The following MAN2A2 variants were observed in gnomAD, a reference collection of about 807,000 sequenced individuals.
The protein encoded by MAN2A2 is mannosidase alpha class 2A member 2, also known as alpha-mannosidase 2x.
Under a neutral mutation model 126.8 loss-of-function variants are expected in MAN2A2, and 79 were observed. The ratio of observed to expected loss-of-function variants is 0.62; its 90% confidence interval spans 0.52 to 0.75. The LOEUF (loss-of-function observed/expected upper bound fraction) is 0.75, where lower values mean the gene tolerates loss of function less well. Ranked by LOEUF, MAN2A2 falls within the 30% of genes least tolerant of loss-of-function variation. The probability of loss-of-function intolerance (pLI) is 0.00; values close to 1 mark genes in which losing one functional copy is unlikely to be tolerated. For synonymous variants in MAN2A2, 671 were observed against 618.7 expected, an observed-to-expected ratio of 1.08 and a Z score of -1.25; for missense variants, 1,392 against 1,522.4, an observed-to-expected ratio of 0.91 and a Z score of 1.43.
At position 90,913,767 on chromosome 15, in the gene MAN2A2, C is replaced by G; in HGVS notation, c.2860+12C>G. 2 of 1,582,122 alleles carry G rather than the reference C, an allele frequency of 1.3e-6. No homozygotes were observed. The highest frequency in any genetic ancestry group is 1.7e-6 in the Non-Finnish European group (2 of 1,162,956). ...TAGCCTCAAAGATGGTGAGTAGGGC[C>G]CAGGAGTTCTGCAGAGGGTATCAGA... On this transcript the variant is annotated intron_variant, in intron 19 of 22. Transcript: ENST00000559717.
intron 20 of MAN2A2, chr15:90,917,536 G>C (rs1011364982): frequency 1.3e-5 from 2 of 152,690 alleles, no homozygotes; most frequent in Admixed American, 6.5e-5. Context: ...CCAGAGGCTG[G>C]AGAAGTTGCC....
At position 90,912,055 on chromosome 15, in the gene MAN2A2, G is replaced by T. The variant is rs778931717; in HGVS notation, c.2122G>T (p.Val708Phe). The change falls in exon 15 of 23, where the codon GTC becomes TTC. Residue 708 changes from valine (V) to phenylalanine (F), a missense_variant. By Grantham distance (50) the Val-to-Phe change is conservative. Coordinates refer to ENST00000559717, the MANE Select transcript of MAN2A2 (RefSeq NM_006122.4). ...CCTGTGCCCACAGGTGTCTGTGCCT[G>T]TCCGCCTGCCAGCCCTGGGCCTGGG... The part of the protein sequence containing the change: ...VPDVYQVSVP[V>F]RLPALGLGVL... The T allele has an allele frequency of 1.9e-6, 3 of 1,612,020 alleles. No individual in the cohort carries two copies. The Admixed American group carries it at 5.0e-5, about 27-fold the overall frequency.
At chr15:90,916,345 G>A (rs2035180803) in intron 20 of MAN2A2, 89 bp downstream of exon 20, 1 of 1,508,840 alleles carries the variant, frequency 6.6e-7, no homozygotes, top group African/African-American at 1.4e-5. Flanking sequence ...GAGGAGCGTA[G>A]TTGGAGGTGG....
intron 12 of MAN2A2, 57 bp downstream of exon 12, chr15:90,911,018 A>G (rs1304127561): frequency 2.0e-6 from 3 of 1,515,906 alleles, no homozygotes; most frequent in Non-Finnish European, 2.7e-6. Context: ...TCCCATCCCA[A>G]GAGCTGCTGG....
intron 16 of MAN2A2, 78 bp downstream of exon 16, chr15:90,912,742 C>T: frequency 6.3e-7 from 1 of 1,595,392 alleles, no homozygotes; most frequent in Non-Finnish European, 8.6e-7. Flanking sequence ...TTATTGCTGC[C>T]TGCCAGGGGC....
intron 11 of MAN2A2, 79 bp downstream of exon 11, chr15:90,910,762 G>T (rs2034663542): frequency 6.2e-7 from 1 of 1,600,068 alleles, no homozygotes; most frequent in Non-Finnish European, 8.5e-7. Flanking sequence ...CAGGGGGTAG[G>T]CCGGCCTAGG....
chr15:90,917,916 T>G, intron 20 of MAN2A2: 1 of 390,050 alleles, frequency 2.6e-6, no homozygotes, highest in Non-Finnish European at 4.8e-6. Flanking sequence ...ACATGGCTGA[T>G]GGGAGTGGGT....
chr15:90,916,169 C>A lies in MAN2A2; in HGVS notation c.2907C>A (p.Asn969Lys). Residue 969 changes from asparagine (N) to lysine (K), a missense_variant, in exon 20 of 23, where the codon AAC becomes AAA. Physicochemically the swap from Asn to Lys is moderately conservative, Grantham distance 94 (BLOSUM62 0). Transcript: ENST00000559717. ...ACCGGCGGCTGATGCAGGATGACAACCGGGGCCTAGGCCAAGGGCTCAAGG... is the reference window on the plus strand; with the variant it reads ...ACCGGCGGCTGATGCAGGATGACAAACGGGGCCTAGGCCAAGGGCTCAAGG... ...ILDRRLMQDD[N>K]RGLGQGLKDN... 6.2e-7 allele frequency: 1 copy of A among 1,614,136 alleles called. No homozygotes were observed. Among genetic ancestry groups the A allele is most frequent in the Non-Finnish European group, 8.5e-7 (1 of 1,180,042 alleles).
rs189268169 is a variant in MAN2A2, at chr15:90,913,629, T to C, written c.2734T>C (p.Tyr912His). Residue 912 changes from tyrosine (Y) to histidine (H), a missense_variant, in exon 19 of 23, where the codon TAT becomes CAT. Tyr to His is a moderately conservative substitution (Grantham distance 83). Coordinates refer to ENST00000559717, the MANE Select transcript of MAN2A2 (RefSeq NM_006122.4). ...LNGFQVQPRRYLKKLPLQANF... is the reference protein window; with the variant it reads ...LNGFQVQPRRHLKKLPLQANF... ...GCCCCCACAGGTGCAGCCCCGACGG[T>C]ATCTGAAGAAGCTCCCCCTCCAGGC... 1.6e-5 allele frequency: 26 copies of C among 1,612,626 alleles called. No individual in the cohort carries two copies. In the East Asian group the frequency reaches 5.3e-4, roughly 33 times the overall value.
chr15:90,913,269 CCAGGGG>C lies in MAN2A2; in HGVS notation c.2585-3_2587del. 1 of 1,613,720 alleles carries C rather than the reference CCAGGGG, an allele frequency of 6.2e-7. No homozygotes were observed. Among genetic ancestry groups the C allele is most frequent in the Non-Finnish European group, 8.5e-7 (1 of 1,179,830 alleles). On this transcript the variant is annotated splice_acceptor_variant and splice_polypyrimidine_tract_variant and coding_sequence_variant and intron_variant, in exon 18 of 23. Transcript: ENST00000559717. LOFTEE classifies it high-confidence loss of function. ...CCATGCCCCCACTTTGTTCCTGTAC[CCAGGGG>C]TGGAGGGGCTGTCTCTGGACATATC...
intron 13 of MAN2A2, 60 bp from the exon 14 acceptor site, chr15:90,911,325 A>G (rs1265222467): frequency 1.2e-6 from 2 of 1,613,026 alleles, no homozygotes; most frequent in Non-Finnish European, 1.7e-6. Flanking sequence ...GAACCAGTGC[A>G]GGGCGCTTGC....
At chr15:90,917,956 A>G (rs2035313951) in intron 20 of MAN2A2, 2 of 526,900 alleles carry the variant, frequency 3.8e-6, no homozygotes, top group African/African-American at 3.8e-5. Context: ...TGAGCAAGGA[A>G]CTAAAAAGTA....
intron 8 of MAN2A2, among the ~76,000 whole-genome samples, chr15:90,907,725 G>C (rs1487600241): frequency 6.6e-6 from 1 of 152,234 alleles, no homozygotes; most frequent in East Asian, 1.9e-4. Context: ...CAAACTGCCA[G>C]GGCCAGCTGA....
rs749727592 is a variant in MAN2A2 at position 90,918,657 on chromosome 15, C to A, written c.3202C>A (p.Pro1068Thr). 3.3e-6 allele frequency: 5 copies of A among 1,518,576 alleles called. No homozygotes were observed. In the South Asian group the frequency reaches 5.6e-5, roughly 17 times the overall value. 94.1% of individuals were successfully genotyped at this position (1,518,576 alleles called of 1,614,324 possible). A position where few individuals can be genotyped will look rare whatever the true frequency, so the allele number is the denominator to read the frequency against. The stretch of plus-strand genomic sequence containing the variant: ...GTCTGTCATCCAGGAGGACACCCTA[C>A]CCTCGGCGGAGACCGCACTCATCTT... ...RTLQAEEDTL[P>T]SAETALILHR... Residue 1068 changes from proline (P) to threonine (T), a missense_variant, in exon 22 of 23, where the codon CCC becomes ACC. By Grantham distance (38) the Pro-to-Thr change is conservative. Transcript: ENST00000559717.
chr15:90,911,009 C>T, intron 12 of MAN2A2, 48 bp downstream of exon 12: 1 of 1,551,554 alleles, frequency 6.4e-7, no homozygotes, highest in Non-Finnish European at 8.9e-7. Flanking sequence ...GTGTGCAGGT[C>T]CCATCCCAAG....
chr15:90,918,833 G>C, intron 22 of MAN2A2, 78 bp downstream of exon 22: 1 of 1,062,076 alleles, frequency 9.4e-7, no homozygotes, highest in South Asian at 1.4e-5. Flanking sequence ...TTCGGTGACA[G>C]GCTGGGAGAA....
intron 5 of MAN2A2, among the ~76,000 whole-genome samples, 177 bp downstream of exon 5, chr15:90,906,193 G>A (rs565283173): frequency 1.3e-5 from 2 of 152,224 alleles, no homozygotes; most frequent in Non-Finnish European, 2.9e-5. Context: ...AGATAAGCGG[G>A]GCCAGGATAG....
At chr15:90,907,243 G>A in intron 7 of MAN2A2, 66 bp from the exon 8 acceptor site, 1 of 1,512,348 alleles carries the variant, frequency 6.6e-7, no homozygotes, top group Non-Finnish European at 9.1e-7. Flanking sequence ...AGCCTGAACA[G>A]ATCCTTGCCC....
At chr15:90,903,627 G>GA (rs889704329) in intron 1 of MAN2A2, 195 bp downstream of exon 1, 1 of 199,548 alleles carries the variant, frequency 5.0e-6, no homozygotes, top group Non-Finnish European at 1.1e-5. Context: ...GAAACAGGGA[G>GA]AACACACAGG....
Sources: allele counts gnomAD v4.1 joint callset (sites outside exome capture counted in the v4.1 genomes callset), GRCh38; gene constraint gnomAD v4.1.1; transcripts MANE v1.5; gene names NCBI Gene and HGNC (gene_info 2026-07-23, HGNC 2026-07-21).